FRMPD4: variants seen among roughly 807,000 people sequenced by gnomAD.
The protein encoded by FRMPD4 is FERM and PDZ domain containing 4.
In FRMPD4, 22 loss-of-function variants were observed where a neutral mutation model predicts 94.1. The observed-to-expected ratio is 0.23, with a 90% CI of 0.17 to 0.33. FRMPD4 has a LOEUF of 0.33. FRMPD4 is among the 10% of genes least tolerant of loss of function. FRMPD4 has a pLI of 1.00. For synonymous variants in FRMPD4, 631 were observed against 548.6 expected (o/e 1.15, Z -2.10); for missense variants, 1,111 against 1,339.9 (o/e 0.83, Z 2.67).
chrX:12,139,060 C>T, intron 1 of FRMPD4, 48 bp downstream of exon 1: 1 of 1,004,151 alleles, frequency 1.0e-6, no homozygotes, highest in Non-Finnish European at 1.3e-6. Context: ...CTGCCGCGGG[C>T]AACTTGGTGC....
chrX:11,927,662 T>A (rs185379433), intron 3 of FRMPD4, among the ~76,000 whole-genome samples: 139 of 112,416 alleles, frequency 1.2e-3, no homozygotes, highest in Middle Eastern at 4.6e-3. Flanking sequence ...GATTCCTAAT[T>A]CAATTATGAT....
At chrX:12,719,006 T>C (rs778419701) in intron 16 of FRMPD4, among the ~76,000 whole-genome samples, 1 of 112,815 alleles carries the variant, frequency 8.9e-6, no homozygotes, top group African/African-American at 3.2e-5. Flanking sequence ...ATAATCTTAC[T>C]CTGTGCTTGC....
intron 1 of FRMPD4, among the ~76,000 whole-genome samples, chrX:12,368,682 C>T (rs1424803254): frequency 9.0e-6 from 1 of 111,310 alleles, no homozygotes; most frequent in Non-Finnish European, 1.9e-5. Flanking sequence ...AGTTCAAGAC[C>T]AACCTGCCCA....
chrX:12,582,861 G>A (rs1286545486), intron 2 of FRMPD4, among the ~76,000 whole-genome samples: 1 of 111,928 alleles, frequency 8.9e-6, no homozygotes, highest in Non-Finnish European at 1.9e-5. Context: ...AGGGATTCTG[G>A]GAATACGGGC....
intron 2 of FRMPD4, among the ~76,000 whole-genome samples, chrX:11,871,171 G>T (rs1007054774): frequency 8.9e-6 from 1 of 112,540 alleles, no homozygotes; most frequent in Non-Finnish European, 1.9e-5. Context: ...TAGCATTCTT[G>T]TTCCCTGGGG....
At chrX:12,320,023 A>G (rs2055184053) in intron 1 of FRMPD4, among the ~76,000 whole-genome samples, 1 of 111,774 alleles carries the variant, frequency 8.9e-6, no homozygotes, top group African/African-American at 3.3e-5. Context: ...GTTACTTTGC[A>G]GCTCTGTGCG....
intron 5 of FRMPD4, among the ~76,000 whole-genome samples, chrX:12,679,491 T>C (rs960596424): frequency 1.8e-5 from 2 of 110,936 alleles, no homozygotes; most frequent in Admixed American, 9.6e-5. Context: ...CGAGGGAATT[T>C]CATTGGTCTC....
intron 3 of FRMPD4, among the ~76,000 whole-genome samples, chrX:12,095,646 C>T (rs1026567666): frequency 1.8e-5 from 2 of 111,296 alleles, no homozygotes; most frequent in African/African-American, 6.5e-5. Flanking sequence ...AGTTTGGATA[C>T]TTTTTGCATT....
chrX:12,308,831 A>G (rs1320954857), intron 1 of FRMPD4, among the ~76,000 whole-genome samples: 1 of 112,700 alleles, frequency 8.9e-6, no homozygotes, highest in Non-Finnish European at 1.9e-5. Context: ...ATGAACATAA[A>G]TGTTTTGTTT....
intron 3 of FRMPD4, among the ~76,000 whole-genome samples, chrX:12,004,705 T>C (rs1354404442): frequency 1.8e-5 from 2 of 109,494 alleles, no homozygotes; most frequent in Non-Finnish European, 3.8e-5. Context: ...TTTTTTTTTT[T>C]TCATCCTCAG....
At chrX:12,066,956 G>A (rs552772731) in intron 3 of FRMPD4, among the ~76,000 whole-genome samples, 13 of 105,517 alleles carry the variant, frequency 1.2e-4, no homozygotes, top group Admixed American at 2.1e-4. Context: ...TGAAACCTCC[G>A]CCTCCTGGGT....
At chrX:12,182,289 G>A (rs950509649) in intron 1 of FRMPD4, among the ~76,000 whole-genome samples, 3 of 111,668 alleles carry the variant, frequency 2.7e-5, no homozygotes, top group Non-Finnish European at 5.6e-5. Context: ...ATCAGTAAGG[G>A]TTCCTTTCCC....
chrX:12,626,998 G>A (rs899919123), intron 4 of FRMPD4, among the ~76,000 whole-genome samples: 3 of 111,643 alleles, frequency 2.7e-5, no homozygotes, highest in East Asian at 2.8e-4. Flanking sequence ...AAGCAGGGCC[G>A]GGCATGGTGG....
At chrX:12,373,524 A>C (rs758704149) in intron 1 of FRMPD4, among the ~76,000 whole-genome samples, 30 of 112,018 alleles carry the variant, frequency 2.7e-4, no homozygotes, top group African/African-American at 8.4e-4. Context: ...TCAGATGTGT[A>C]ACAATTTCTA....
chrX:11,916,416 G>A (rs1285672580), intron 3 of FRMPD4, among the ~76,000 whole-genome samples: 1 of 111,080 alleles, frequency 9.0e-6, no homozygotes, highest in Non-Finnish European at 1.9e-5. Context: ...TTAAGTGGGG[G>A]TCCAGCAGTC....
intron 1 of FRMPD4, among the ~76,000 whole-genome samples, chrX:12,325,513 C>T (rs1034186693): frequency 1.1e-4 from 12 of 112,648 alleles, no homozygotes; most frequent in African/African-American, 3.9e-4. Flanking sequence ...GATATACTGT[C>T]TCTGTCACAA....
intron 3 of FRMPD4, among the ~76,000 whole-genome samples, chrX:11,886,328 GA>G (rs2053844967): frequency 8.9e-6 from 1 of 111,770 alleles, no homozygotes; most frequent in African/African-American, 3.3e-5. Context: ...AAACAGTGGG[GA>G]AATACGTTGA....
At chrX:12,239,418 T>A (rs747343658) in intron 1 of FRMPD4, among the ~76,000 whole-genome samples, 58 of 112,971 alleles carry the variant, frequency 5.1e-4, no homozygotes, top group African/African-American at 1.8e-3. Context: ...ATGGTATCTG[T>A]TCTTTTCATG....
At chrX:12,110,983 G>A (rs1041381231) in intron 3 of FRMPD4, among the ~76,000 whole-genome samples, 25 of 111,581 alleles carry the variant, frequency 2.2e-4, no homozygotes, top group Non-Finnish European at 4.7e-4. Context: ...ATATGAAAAT[G>A]GCCATACTGC....
Sources: allele counts gnomAD v4.1 joint callset (sites outside exome capture counted in the v4.1 genomes callset), GRCh38; gene constraint gnomAD v4.1.1; transcripts MANE v1.5; gene names NCBI Gene and HGNC (gene_info 2026-07-23, HGNC 2026-07-21).